The following ACSL1 variants were observed in gnomAD, a reference collection of about 807,000 sequenced individuals.
ACSL1 encodes long-chain-fatty-acid--CoA ligase 1.
Under a neutral mutation model 98.4 loss-of-function variants are expected in ACSL1, and 41 were observed. The ratio of observed to expected loss-of-function variants is 0.42; its 90% CI spans 0.32 to 0.54. ACSL1 has a LOEUF of 0.54. Ranked by LOEUF, ACSL1 falls within the 20% of genes least tolerant of loss-of-function variation. The pLI is 0.13. For synonymous variants in ACSL1, 316 were observed against 322.7 expected (o/e 0.98, Z 0.22); for missense variants, 734 against 883.1 (o/e 0.83, Z 2.14).
intron 17 of ACSL1, among the ~76,000 whole-genome samples, chr4:184,761,310 T>C: frequency 6.6e-6 from 1 of 152,218 alleles, no homozygotes; most frequent in East Asian, 1.9e-4. Flanking sequence ...TCTAAATAGT[T>C]TGGGTATTGC....
chr4:184,814,671 T>C (rs1184375231), intron 1 of ACSL1, among the ~76,000 whole-genome samples: 1 of 152,160 alleles, frequency 6.6e-6, no homozygotes, highest in East Asian at 1.9e-4. Context: ...AAAGAAGCTA[T>C]AAGTGAGTCA....
At chr4:184,780,300 A>G (rs1364699986) in intron 5 of ACSL1, 32 bp downstream of exon 5, 1 of 1,562,550 alleles carries the variant, frequency 6.4e-7, no homozygotes, top group African/African-American at 1.4e-5. Flanking sequence ...AATTCTCAAA[A>G]TCATGCATAG....
At chr4:184,799,969 G>A (rs146207571) in intron 2 of ACSL1, among the ~76,000 whole-genome samples, 126 of 152,244 alleles carry the variant, frequency 8.3e-4, no homozygotes, top group African/African-American at 2.9e-3. Context: ...CTTCCCCAAA[G>A]CCCTAGTTAT....
In ACSL1 at chr4:184,760,595, A is replaced by T. The variant is rs1038635305; in HGVS notation, c.1639-95T>A. ...CAACACTGAAAGGTATTTAATACACACTATTGATTAATTCTAATAACATCC... is the reference window on the plus strand; with the variant it reads ...CAACACTGAAAGGTATTTAATACACTCTATTGATTAATTCTAATAACATCC... On this transcript the variant is annotated intron_variant, in intron 17 of 20. Coordinates refer to ENST00000281455, the MANE Select transcript of ACSL1 (RefSeq NM_001995.5). The T allele has an allele frequency of 6.7e-6, 10 of 1,483,146 alleles. No homozygotes were observed. The African/African-American group carries it at 1.4e-4, about 21-fold the overall frequency. 91.9% of individuals were successfully genotyped at this position (1,483,146 alleles called of 1,614,324 possible).
At chr4:184,813,021 C>A (rs760299193) in intron 1 of ACSL1, among the ~76,000 whole-genome samples, 1 of 152,162 alleles carries the variant, frequency 6.6e-6, no homozygotes, top group Non-Finnish European at 1.5e-5. Context: ...GCCCAACATT[C>A]TCCAGAGCAA....
At chr4:184,777,781 A>AAGAGAG (rs59773222) in intron 5 of ACSL1, among the ~76,000 whole-genome samples, 1 of 151,340 alleles carries the variant, frequency 6.6e-6, no homozygotes, top group Non-Finnish European at 1.5e-5. Flanking sequence ...AAGAGAAAGA[A>AAGAGAG]AGAGAGAGAG....
At chr4:184,806,541 C>T (rs559990945) in intron 1 of ACSL1, among the ~76,000 whole-genome samples, 12 of 152,252 alleles carry the variant, frequency 7.9e-5, no homozygotes, top group African/African-American at 2.9e-4. Context: ...GATCACATCC[C>T]TGAGTGAGAA....
chr4:184,779,851 G>GGCC (rs1166879052), intron 5 of ACSL1, among the ~76,000 whole-genome samples: 1 of 151,920 alleles, frequency 6.6e-6, no homozygotes, highest in Non-Finnish European at 1.5e-5. Flanking sequence ...GCGATTAAAA[G>GGCC]GCCCTGGTTC....
At chr4:184,808,736 T>G (rs1771737047) in intron 1 of ACSL1, 1 of 153,468 alleles carries the variant, frequency 6.5e-6, no homozygotes, top group Admixed American at 6.5e-5. Context: ...GCAAATTCCC[T>G]AAAGTTAGAT....
intron 2 of ACSL1, among the ~76,000 whole-genome samples, chr4:184,790,030 G>T (rs1034605625): frequency 6.6e-6 from 1 of 152,090 alleles, no homozygotes; most frequent in East Asian, 1.9e-4. Context: ...CTGGCTTAAG[G>T]TGTGATGAAA....
intron 7 of ACSL1, 151 bp downstream of exon 7, chr4:184,776,333 G>A: frequency 4.0e-6 from 3 of 748,258 alleles, no homozygotes; most frequent in Non-Finnish European, 6.3e-6. Flanking sequence ...CCAGCAATGA[G>A]ACAGAAGTTT....
In ACSL1 at chr4:184,756,737, C is replaced by A; in HGVS notation, c.*388G>T. ...TACTCTTTAGAGCAGCAGACAGCTGCAGAATTTGCAGCAAGTAGCAGACAT... is the reference window on the plus strand; with the variant it reads ...TACTCTTTAGAGCAGCAGACAGCTGAAGAATTTGCAGCAAGTAGCAGACAT... On this transcript the variant is annotated 3_prime_UTR_variant, in exon 21 of 21. Coordinates refer to ENST00000281455, the MANE Select transcript of ACSL1 (RefSeq NM_001995.5). 1 of 163,380 alleles carries A rather than the reference C, an allele frequency of 6.1e-6. No homozygotes were observed. The highest frequency in any genetic ancestry group is 1.3e-5 in the Non-Finnish European group (1 of 74,148). 10.1% of individuals were successfully genotyped at this position (163,380 alleles called of 1,614,324 possible).
intron 4 of ACSL1, among the ~76,000 whole-genome samples, chr4:184,782,819 C>T (rs892043851): frequency 6.6e-6 from 1 of 152,136 alleles, no homozygotes; most frequent in East Asian, 1.9e-4. Context: ...CTGTCGACCC[C>T]AGAGGACGGA....
intron 1 of ACSL1, chr4:184,820,978 T>A (rs2150503216): frequency 2.2e-6 from 1 of 455,374 alleles, no homozygotes; most frequent in Non-Finnish European, 4.4e-6. Context: ...GAAGCCAGAC[T>A]GCCTAGGTTC....
chr4:184,792,598 T>G (rs1044184088), intron 2 of ACSL1, among the ~76,000 whole-genome samples: 5 of 152,158 alleles, frequency 3.3e-5, no homozygotes, highest in Non-Finnish European at 5.9e-5. Flanking sequence ...GCCACCTTGC[T>G]TGGCTAATCT....
Position 184,768,335 on chromosome 4 carries a change from A to G in ACSL1, c.1109T>C (p.Leu370Pro), listed in dbSNP as rs1468473952. The G allele has an allele frequency of 1.2e-6, 2 of 1,612,866 alleles. No homozygotes were observed. The highest frequency in any genetic ancestry group is 1.7e-6 in the Non-Finnish European group (2 of 1,179,712). ...ACTTACTCGGTCAAACATCCGGTTC[A>G]GCAGTCTTGGAACCACGGGGAAGAC... is the stretch of plus-strand genomic sequence containing the variant. The part of the protein sequence containing the change: ...PTVFPVVPRL[L>P]NRMFDRIFGQ... The change falls in exon 12 of 21, where the codon CTG becomes CCG. Residue 370 changes from leucine to proline, a missense_variant. Coordinates refer to ENST00000281455, the MANE Select transcript of ACSL1 (RefSeq NM_001995.5).
Position 184,773,908 on chromosome 4 carries a change from A to G in ACSL1, c.757-33T>C, listed in dbSNP as rs778950902. On this transcript the variant is annotated intron_variant, in intron 7 of 20. Transcript: ENST00000281455. The surrounding 1 kb of genome is among the most constrained non-coding windows in gnomAD (Gnocchi z 4.3). ...AGAAGAGAAAAAAAGTCTTAAATGG[A>G]AACGTTTTCTAACTGTAAAGGATAA... The G allele has an allele frequency of 4.3e-6, 7 of 1,613,128 alleles. No homozygotes were observed. The South Asian group carries it at 6.6e-5, about 15-fold the overall frequency.
At chr4:184,814,995 T>TA in intron 1 of ACSL1, 1 of 456,098 alleles carries the variant, frequency 2.2e-6, no homozygotes. Flanking sequence ...ATAAAATACT[T>TA]ACAAGGTTTT....
At chr4:184,824,101 C>T (rs923299913) in intron 1 of ACSL1, among the ~76,000 whole-genome samples, 1 of 152,068 alleles carries the variant, frequency 6.6e-6, no homozygotes. Flanking sequence ...TGCCAAAATG[C>T]TTATAATTGT....
Sources: allele counts gnomAD v4.1 joint callset (sites outside exome capture counted in the v4.1 genomes callset), GRCh38; gene constraint gnomAD v4.1.1; non-coding constraint Gnocchi (gnomAD v3.1); transcripts MANE v1.5; gene names NCBI Gene and HGNC (gene_info 2026-07-23, HGNC 2026-07-21).